PIK3C2G: variants seen among roughly 807,000 people sequenced by gnomAD.
PIK3C2G encodes phosphatidylinositol 3-kinase C2 domain-containing subunit gamma.
PIK3C2G carries 168 observed loss-of-function variants against 181.1 expected under a neutral mutation model. The observed-to-expected ratio is 0.93, with a 90% CI of 0.82 to 1.05. PIK3C2G has a LOEUF of 1.05. PIK3C2G is among the 50% of genes least tolerant of loss of function. The probability of loss-of-function intolerance (pLI) is 0.00; values close to 1 mark genes in which losing one functional copy is unlikely to be tolerated. For synonymous variants in PIK3C2G, 573 were observed against 592.2 expected (o/e 0.97, Z 0.47); for missense variants, 1,869 against 1,732.8 (o/e 1.08, Z -1.40).
chr12:18,668,984 T>C, the PIK3C2G span, among the ~76,000 whole-genome samples: 1 of 152,124 alleles, frequency 6.6e-6, no homozygotes. Flanking sequence ...TCCAGGTGTG[T>C]AATTAATTTC....
chr12:18,464,312 A>G (rs1395455734), intron 18 of PIK3C2G, among the ~76,000 whole-genome samples: 1 of 152,084 alleles, frequency 6.6e-6, no homozygotes, highest in Non-Finnish European at 1.5e-5. Flanking sequence ...TTATAAGGGC[A>G]TGAATCCCAT....
chr12:18,655,750 GAAAAA>G, the PIK3C2G span, among the ~76,000 whole-genome samples: 2 of 145,136 alleles, frequency 1.4e-5, no homozygotes, highest in African/African-American at 5.1e-5. Context: ...ACCTTATCAT[GAAAAA>G]AAAAAAAAAA....
At chr12:18,548,884 T>C (rs1360632758) in intron 26 of PIK3C2G, among the ~76,000 whole-genome samples, 1 of 152,004 alleles carries the variant, frequency 6.6e-6, no homozygotes, top group Non-Finnish European at 1.5e-5. Context: ...TTTGTCAAGA[T>C]TTATCCAACT....
chr12:18,501,520 C>T (rs956341310), intron 22 of PIK3C2G, among the ~76,000 whole-genome samples: 1 of 152,098 alleles, frequency 6.6e-6, no homozygotes, highest in African/African-American at 2.4e-5. Flanking sequence ...AACCATACAA[C>T]AGAGTTATTT....
intron 10 of PIK3C2G, among the ~76,000 whole-genome samples, chr12:18,344,339 C>T (rs902392467): frequency 1.3e-5 from 2 of 152,034 alleles, no homozygotes; most frequent in African/African-American, 2.4e-5. Context: ...AAAGAAGACA[C>T]TCAATTAAGT....
intron 24 of PIK3C2G, among the ~76,000 whole-genome samples, chr12:18,519,363 T>C (rs1942763542): frequency 6.6e-6 from 1 of 152,222 alleles, no homozygotes; most frequent in Non-Finnish European, 1.5e-5. Context: ...TCAGTCTCTT[T>C]GTTGGTCTCT....
At chr12:18,717,706 G>A in the PIK3C2G span, among the ~76,000 whole-genome samples, 1 of 151,986 alleles carries the variant, frequency 6.6e-6, no homozygotes, top group Non-Finnish European at 1.5e-5. Flanking sequence ...ACTGTAATTT[G>A]GTTATTGGAA....
At chr12:18,310,864 G>A (rs1294237908) in intron 5 of PIK3C2G, among the ~76,000 whole-genome samples, 3 of 151,822 alleles carry the variant, frequency 2.0e-5, no homozygotes, top group African/African-American at 7.3e-5. Context: ...AAAAGTCAAA[G>A]ACTCAAAAAT....
intron 16 of PIK3C2G, among the ~76,000 whole-genome samples, chr12:18,415,711 C>G (rs1945136485): frequency 6.6e-6 from 1 of 152,172 alleles, no homozygotes; most frequent in South Asian, 2.1e-4. Context: ...AGGAAAAGTT[C>G]TTGGAGGAAA....
chr12:18,295,135 TA>T (rs1347464539), intron 5 of PIK3C2G, among the ~76,000 whole-genome samples: 2 of 150,374 alleles, frequency 1.3e-5, no homozygotes, highest in African/African-American at 2.4e-5. Flanking sequence ...TAATTATACA[TA>T]AACAAAATAA....
intron 6 of PIK3C2G, among the ~76,000 whole-genome samples, chr12:18,318,686 T>C (rs1950975147): frequency 6.6e-6 from 1 of 152,028 alleles, no homozygotes; most frequent in Admixed American, 6.6e-5. Context: ...AGCTTTCTAA[T>C]TGTGCAAAGC....
At chr12:18,665,004 T>C in the PIK3C2G span, among the ~76,000 whole-genome samples, 1 of 95,676 alleles carries the variant, frequency 1.0e-5, no homozygotes, top group Non-Finnish European at 1.9e-5. Context: ...CTGGGGACTG[T>C]TGTGGGGTGG....
intron 30 of PIK3C2G, among the ~76,000 whole-genome samples, chr12:18,608,435 TTC>T (rs924763182): frequency 1.2e-4 from 18 of 152,018 alleles, no homozygotes; most frequent in African/African-American, 4.3e-4. Context: ...GAAACCATCA[TTC>T]TCAGCAAACT....
chr12:18,281,929 T>C lies in PIK3C2G; in HGVS notation c.-78-75T>C, dbSNP rs1949237195. On this transcript the variant is annotated intron_variant, in intron 1 of 32. Transcript: ENST00000538779. ...CCCACAAAACAGTTAGTTATAGTTA[T>C]TTATCCTATATCTGTCTTACAAGCT... The C allele has an allele frequency of 1.0e-5, 6 of 591,130 alleles. No homozygotes were observed. In the Admixed American group the frequency reaches 1.6e-4, roughly 16 times the overall value. The allele number at this position is 591,130 out of a possible 1,614,324, so 36.6% of individuals were successfully genotyped here.
intron 13 of PIK3C2G, among the ~76,000 whole-genome samples, chr12:18,377,944 C>T (rs1424595819): frequency 6.6e-6 from 1 of 152,066 alleles, no homozygotes; most frequent in Non-Finnish European, 1.5e-5. Context: ...GCAACCTCCA[C>T]CTCTCGGGTT....
chr12:18,254,510 G>A (rs1427143193), intron 1 of PIK3C2G, among the ~76,000 whole-genome samples: 2 of 151,846 alleles, frequency 1.3e-5, no homozygotes, highest in Non-Finnish European at 2.9e-5. Context: ...TCAAGTTTTT[G>A]TAATATTTGT....
chr12:18,378,486 G>A (rs1942609326), intron 13 of PIK3C2G, among the ~76,000 whole-genome samples: 1 of 152,092 alleles, frequency 6.6e-6, no homozygotes, highest in Admixed American at 6.5e-5. Context: ...AACACCAAAA[G>A]CAATGGCAAC....
rs1949398071 is a variant in PIK3C2G at position 18,285,354 on chromosome 12, T to G, written c.679-1493T>G. Reference sequence around the variant, plus strand: ...AGTCAGCTAGCAGGCACATGAGAAATGCCAAATTAAATACTTCTGGTACAA... The same window carrying G: ...AGTCAGCTAGCAGGCACATGAGAAAGGCCAAATTAAATACTTCTGGTACAA... On this transcript the variant is annotated intron_variant, in intron 2 of 32. Coordinates refer to ENST00000538779, the MANE Select transcript of PIK3C2G (RefSeq NM_001288772.2). The G allele has an allele frequency of 5.9e-5, 9 of 151,986 alleles. No individual in the cohort carries two copies. In the South Asian group the frequency reaches 1.9e-3, roughly 31 times the overall value. The allele number at this position is 151,986 out of a possible 1,614,324, so 9.4% of individuals were successfully genotyped here.
intron 7 of PIK3C2G, among the ~76,000 whole-genome samples, chr12:18,323,987 G>A (rs534836175): frequency 2.0e-3 from 301 of 152,212 alleles, no homozygotes; most frequent in African/African-American, 7.0e-3. Context: ...TTGGGACGCC[G>A]AGGTGGGCGG....
Sources: gnomAD v4.1 joint callset for allele counts (sites outside exome capture counted in the v4.1 genomes callset) on GRCh38, gnomAD v4.1.1 for gene constraint, MANE v1.5 for transcripts, NCBI Gene and HGNC (gene_info 2026-07-23, HGNC 2026-07-21) for gene names.